The following MLLT1 variants were observed in gnomAD, a reference collection of about 807,000 sequenced individuals.
The protein encoded by MLLT1 is MLLT1 super elongation complex subunit, also known as protein ENL.
Under a neutral mutation model 55.1 loss-of-function variants are expected in MLLT1, and 11 were observed. That is an observed-to-expected ratio of 0.20 (90% CI 0.13 to 0.33). The LOEUF is 0.33. Among genes scored for constraint, MLLT1 ranks in the 10% least tolerant of loss-of-function variants. The pLI is 1.00. For synonymous variants in MLLT1, 323 were observed against 320.1 expected (o/e 1.01, Z -0.10); for missense variants, 536 against 760.6 (o/e 0.70, Z 3.47).
rs562677891 is a variant in MLLT1, at chr19:6,256,261, A to G, written c.276+5967T>C. The stretch of plus-strand genomic sequence containing the variant: ...AATAAATAAATAAATAAATAAAAAG[A>G]CCAGCCTGGGCAACACAATGGGACC... On this transcript the variant is annotated intron_variant, in intron 3 of 11. Transcript: ENST00000252674. This position sits in a 1 kb window ranked among gnomAD's most constrained non-coding sequence, Gnocchi z 4.1. Among the ~76,000 whole-genome samples, 11 of 151,812 alleles carry G rather than the reference A, an allele frequency of 7.2e-5. No individual in the cohort carries two copies. Among genetic ancestry groups the G allele is most frequent in the Non-Finnish European group, 1.3e-4 (9 of 67,978 alleles).
Position 6,240,466 on chromosome 19 carries a change from C to T in MLLT1, c.277-9753G>A, listed in dbSNP as rs556650393. Among the ~76,000 whole-genome samples the T allele has an allele frequency of 5.3e-4, 80 of 152,228 alleles. No individual in the cohort carries two copies. Among genetic ancestry groups the T allele is most frequent in the Non-Finnish European group, 5.0e-4 (34 of 68,040 alleles). ...CGGAGCTGGCACCCGGCGCAGGTGA[C>T]GTTGCCCATCTGTGCTCAGCGTCCT... On this transcript the variant is annotated intron_variant, in intron 3 of 11. Transcript: ENST00000252674. The surrounding 1 kb of genome is among the most constrained non-coding windows in gnomAD (Gnocchi z 4.7).
intron 8 of MLLT1, among the ~76,000 whole-genome samples, chr19:6,214,548 G>A (rs1481432099): frequency 7.2e-5 from 11 of 152,128 alleles, no homozygotes; most frequent in Admixed American, 7.2e-4. Context: ...TCCTAAACAG[G>A]GGTATCTGGT....
intron 7 of MLLT1, chr19:6,216,878 G>A (rs567143415): frequency 4.4e-6 from 1 of 224,880 alleles, no homozygotes; most frequent in Non-Finnish European, 8.8e-6. Flanking sequence ...GGGAGGGCGA[G>A]GGAGCCACAG....
At chr19:6,238,871 G>A (rs868416210) in intron 3 of MLLT1, among the ~76,000 whole-genome samples, 1 of 152,242 alleles carries the variant, frequency 6.6e-6, no homozygotes, top group Non-Finnish European at 1.5e-5. Flanking sequence ...AGCAGCAAAC[G>A]CCTTGCTCTG....
chr19:6,211,955 A>C lies in MLLT1; in HGVS notation c.*1087T>G. 9.4e-7 allele frequency: 1 copy of C among 1,065,212 alleles called. No individual in the cohort carries two copies. The highest frequency in any genetic ancestry group is 5.0e-5 in the East Asian group (1 of 20,062). The allele number at this position is 1,065,212 out of a possible 1,614,324, so 66.0% of individuals were successfully genotyped here. On this transcript the variant is annotated 3_prime_UTR_variant, in exon 12 of 12. Transcript: ENST00000252674. The surrounding 1 kb of genome is among the most constrained non-coding windows in gnomAD (Gnocchi z 4.6). The stretch of plus-strand genomic sequence containing the variant: ...GCAGCCTGGGAGGGCCAGCCCGGCC[A>C]ACCCACCGGGCCTGCTGATGGCCGA...
At chr19:6,217,627 G>A (rs552156313) in intron 7 of MLLT1, among the ~76,000 whole-genome samples, 3 of 152,310 alleles carry the variant, frequency 2.0e-5, no homozygotes, top group African/African-American at 4.8e-5. Context: ...AGGTGACGCC[G>A]TCCGTCCATG....
chr19:6,214,098 C>G (rs1173540142), intron 8 of MLLT1, 60 bp from the exon 9 acceptor site: 2 of 1,144,888 alleles, frequency 1.7e-6, no homozygotes, highest in African/African-American at 1.6e-5. Flanking sequence ...CCACCCCACC[C>G]CCAGGCTCAA....
chr19:6,212,529 G>A lies in MLLT1; in HGVS notation c.*513C>T, dbSNP rs1369157116. 22 of 1,079,684 alleles carry A rather than the reference G, an allele frequency of 2.0e-5. No homozygotes were observed. Among genetic ancestry groups the A allele is most frequent in the African/African-American group, 3.3e-5 (2 of 61,158 alleles). 66.9% of individuals were successfully genotyped at this position (1,079,684 alleles called of 1,614,324 possible). On this transcript the variant is annotated 3_prime_UTR_variant, in exon 12 of 12. Transcript: ENST00000252674. ...TATACAGCACAGACCCCAGCGCAGCGCGAGCCGGGGAGGAGCCGGCGCTAG... is the reference window on the plus strand; with the variant it reads ...TATACAGCACAGACCCCAGCGCAGCACGAGCCGGGGAGGAGCCGGCGCTAG...
chr19:6,240,968 T>G lies in MLLT1; in HGVS notation c.277-10255A>C, dbSNP rs2091107874. Among the ~76,000 whole-genome samples, 1 of 152,132 alleles carries G rather than the reference T, an allele frequency of 6.6e-6. No homozygotes were observed. The highest frequency in any genetic ancestry group is 6.5e-5 in the Admixed American group (1 of 15,282). ...GGAAGCCAAACTTAATGATTTCTCC[T>G]CAGTCTGACACCAGAAAAGGCAGAA... On this transcript the variant is annotated intron_variant, in intron 3 of 11. Transcript: ENST00000252674. This position sits in a 1 kb window ranked among gnomAD's most constrained non-coding sequence, Gnocchi z 4.7.
chr19:6,270,819 C>G lies in MLLT1; in HGVS notation c.13-60G>C. 1 of 1,493,684 alleles carries G rather than the reference C, an allele frequency of 6.7e-7. No homozygotes were observed. The highest frequency in any genetic ancestry group is 9.0e-7 in the Non-Finnish European group (1 of 1,107,426). 92.5% of individuals were successfully genotyped at this position (1,493,684 alleles called of 1,614,324 possible). Reference sequence around the variant, plus strand: ...ACACGCCTCCAAGCAGGGGACTGTCCCCTTACCCACAGAGAACTTTCGATA... The same window carrying G: ...ACACGCCTCCAAGCAGGGGACTGTCGCCTTACCCACAGAGAACTTTCGATA... On this transcript the variant is annotated intron_variant, in intron 1 of 11. Coordinates refer to ENST00000252674, the MANE Select transcript of MLLT1 (RefSeq NM_005934.4). The surrounding 1 kb of genome is among the most constrained non-coding windows in gnomAD (Gnocchi z 7.1).
Position 6,213,022 on chromosome 19 carries a change from G to A in MLLT1, c.*20C>T. 2.5e-6 allele frequency: 4 copies of A among 1,611,196 alleles called. No individual in the cohort carries two copies. The highest frequency in any genetic ancestry group is 2.2e-5 in the East Asian group (1 of 44,834). ...GCCTCCCAGGACCCCGGCGGTGGGG[G>A]CCCGGCACGCGGCCCAGGGTCATGT... On this transcript the variant is annotated 3_prime_UTR_variant, in exon 12 of 12. Coordinates refer to ENST00000252674, the MANE Select transcript of MLLT1 (RefSeq NM_005934.4).
intron 6 of MLLT1, among the ~76,000 whole-genome samples, chr19:6,220,580 A>G (rs1484874107): frequency 6.6e-6 from 1 of 152,224 alleles, no homozygotes; most frequent in Non-Finnish European, 1.5e-5. Flanking sequence ...CAACTCACTC[A>G]CTGCCGGGGG....
At position 6,219,038 on chromosome 19, in the gene MLLT1, C is replaced by T. The variant is rs531905589; in HGVS notation, c.1111-997G>A. Among the ~76,000 whole-genome samples, 13 of 152,206 alleles carry T rather than the reference C, an allele frequency of 8.5e-5. No individual in the cohort carries two copies. Among genetic ancestry groups the T allele is most frequent in the Admixed American group, 4.6e-4 (7 of 15,292 alleles). ...CAGCCGCCAGCCATGCAAGGGAAGC[C>T]GTGAACGGAGTACTGAGCTGGTGGG... On this transcript the variant is annotated intron_variant, in intron 6 of 11. Coordinates refer to ENST00000252674, the MANE Select transcript of MLLT1 (RefSeq NM_005934.4). The surrounding 1 kb of genome is among the most constrained non-coding windows in gnomAD (Gnocchi z 4.5).
chr19:6,256,624 G>A lies in MLLT1; in HGVS notation c.276+5604C>T, dbSNP rs935308743. On this transcript the variant is annotated intron_variant, in intron 3 of 11. Transcript: ENST00000252674. The surrounding 1 kb of genome is among the most constrained non-coding windows in gnomAD (Gnocchi z 4.1). ...AAAAAATTAGCCAGGCGTGGTGGCG[G>A]GCACCTGTAGTCCCAGCTACTCGGG... Among the ~76,000 whole-genome samples the A allele has an allele frequency of 2.6e-5, 4 of 151,826 alleles. No individual in the cohort carries two copies. The highest frequency in any genetic ancestry group is 9.7e-5 in the African/African-American group (4 of 41,286).
intron 3 of MLLT1, among the ~76,000 whole-genome samples, chr19:6,233,806 C>G (rs938407366): frequency 6.6e-6 from 1 of 152,186 alleles, no homozygotes; most frequent in South Asian, 2.1e-4. Context: ...ACACGCCCCC[C>G]GCCAAGTCCA....
At position 6,212,376 on chromosome 19, in the gene MLLT1, G is replaced by A. The variant is rs2090784624; in HGVS notation, c.*666C>T. ...CGGCCTCCAGCCCCACACCACCGCA[G>A]AGACATCTTAACCTACAAGCCCCAC... On this transcript the variant is annotated 3_prime_UTR_variant, in exon 12 of 12. Transcript: ENST00000252674. The A allele has an allele frequency of 4.9e-5, 52 of 1,066,356 alleles. No homozygotes were observed. The highest frequency in any genetic ancestry group is 5.8e-5 in the Non-Finnish European group (51 of 879,794). The allele number at this position is 1,066,356 out of a possible 1,614,324, so 66.1% of individuals were successfully genotyped here.
At chr19:6,239,621 C>A (rs918567227) in intron 3 of MLLT1, among the ~76,000 whole-genome samples, 3 of 152,018 alleles carry the variant, frequency 2.0e-5, no homozygotes, top group Admixed American at 6.6e-5. Context: ...ACACACCCAC[C>A]CACACACCCA....
intron 1 of MLLT1, among the ~76,000 whole-genome samples, chr19:6,275,466 G>A (rs371854112): frequency 4.6e-5 from 7 of 152,146 alleles, no homozygotes; most frequent in African/African-American, 1.4e-4. Context: ...AACCCCCTGC[G>A]GAATCTTCTC....
intron 2 of MLLT1, among the ~76,000 whole-genome samples, chr19:6,269,939 A>C (rs903686887): frequency 6.6e-6 from 1 of 151,690 alleles, no homozygotes; most frequent in Non-Finnish European, 1.5e-5. Flanking sequence ...CCAGACCACC[A>C]CCTCACTCTC....
Sources: allele counts gnomAD v4.1 joint callset (sites outside exome capture counted in the v4.1 genomes callset), GRCh38; gene constraint gnomAD v4.1.1; non-coding constraint Gnocchi (gnomAD v3.1); transcripts MANE v1.5; gene names NCBI Gene and HGNC (gene_info 2026-07-23, HGNC 2026-07-21).